PLCL1: variants seen among roughly 807,000 people sequenced by gnomAD.
PLCL1 encodes the protein inactive phospholipase C-like protein 1.
In PLCL1, 41 loss-of-function variants were observed where a neutral mutation model predicts 84.4. The observed-to-expected ratio is 0.49, with a 90% CI of 0.38 to 0.63. The LOEUF (loss-of-function observed/expected upper bound fraction) is 0.63, where lower values mean the gene tolerates loss of function less well. PLCL1 is among the 30% of genes least tolerant of loss of function. PLCL1 has a pLI of 0.00. For synonymous variants in PLCL1, 490 were observed against 488.3 expected, an observed-to-expected ratio of 1.00 and a Z score of -0.05; for missense variants, 1,206 against 1,367.8, an observed-to-expected ratio of 0.88 and a Z score of 1.87.
intron 3 of PLCL1, among the ~76,000 whole-genome samples, chr2:198,091,081 A>G (rs993148029): frequency 1.4e-4 from 22 of 152,358 alleles, no homozygotes; most frequent in Admixed American, 2.6e-4. Flanking sequence ...TCTTTCATGT[A>G]CAGTTCTCTA....
intron 5 of PLCL1, among the ~76,000 whole-genome samples, chr2:198,115,875 T>G (rs1484988596): frequency 6.6e-6 from 1 of 150,952 alleles, no homozygotes. Flanking sequence ...AAGGTGAGAT[T>G]TGAGCGAGGA....
chr2:197,923,208 T>C (rs2105757623), intron 1 of PLCL1, among the ~76,000 whole-genome samples: 1 of 139,958 alleles, frequency 7.1e-6, no homozygotes. Flanking sequence ...GGCGGGGGGC[T>C]GACCCCCCAC....
intron 1 of PLCL1, among the ~76,000 whole-genome samples, chr2:197,958,680 G>T (rs1423664777): frequency 6.6e-6 from 1 of 152,064 alleles, no homozygotes; most frequent in Non-Finnish European, 1.5e-5. Context: ...CATAGCAGGA[G>T]AGTTTAGTAA....
At chr2:198,079,128 T>A (rs2164068) in intron 1 of PLCL1, among the ~76,000 whole-genome samples, 78,864 of 151,366 alleles carry the variant, frequency 0.52, 21,519 homozygotes, top group African/African-American at 0.66. Flanking sequence ...ATTTTTTTTT[T>A]AATTTTGATT....
At chr2:197,812,561 T>A (rs1199525027) in intron 1 of PLCL1, among the ~76,000 whole-genome samples, 1 of 152,238 alleles carries the variant, frequency 6.6e-6, no homozygotes, top group Non-Finnish European at 1.5e-5. Flanking sequence ...ATGAGCATTT[T>A]AAAATATATT....
chr2:197,923,848 T>C (rs1688775061), intron 1 of PLCL1, among the ~76,000 whole-genome samples: 1 of 151,140 alleles, frequency 6.6e-6, no homozygotes, highest in Non-Finnish European at 1.5e-5. Flanking sequence ...ATCACGCCAT[T>C]GCACTCCAGC....
intron 1 of PLCL1, among the ~76,000 whole-genome samples, chr2:197,931,072 A>C (rs984851760): frequency 6.6e-6 from 1 of 152,110 alleles, no homozygotes; most frequent in African/African-American, 2.4e-5. Flanking sequence ...AAGTCACATT[A>C]TATGCTCACC....
chr2:198,125,996 G>T (rs1252813546), intron 5 of PLCL1, among the ~76,000 whole-genome samples: 2 of 152,122 alleles, frequency 1.3e-5, no homozygotes, highest in East Asian at 3.9e-4. Context: ...ATTTTCTTTA[G>T]TGGAATATAG....
intron 1 of PLCL1, among the ~76,000 whole-genome samples, chr2:198,047,194 T>TG (rs988808824): frequency 2.0e-5 from 3 of 149,614 alleles, no homozygotes; most frequent in African/African-American, 7.4e-5. Context: ...TGTGTGTGTG[T>TG]TTTGTTTTGA....
intron 1 of PLCL1, among the ~76,000 whole-genome samples, chr2:198,047,455 T>C (rs1691834728): frequency 6.6e-6 from 1 of 152,160 alleles, no homozygotes; most frequent in Admixed American, 6.5e-5. Context: ...GTGCTAGGAA[T>C]ATAGGCATGA....
intron 1 of PLCL1, among the ~76,000 whole-genome samples, chr2:198,016,669 G>A (rs1226647801): frequency 2.6e-5 from 4 of 152,128 alleles, no homozygotes; most frequent in Admixed American, 6.5e-5. Context: ...CAGGTAAGGC[G>A]TCTTCTACCA....
At chr2:198,127,460 G>C (rs1247610332) in intron 5 of PLCL1, among the ~76,000 whole-genome samples, 3 of 152,112 alleles carry the variant, frequency 2.0e-5, no homozygotes, top group African/African-American at 7.2e-5. Flanking sequence ...ATTGGACATA[G>C]TTTTACGTTA....
intron 1 of PLCL1, among the ~76,000 whole-genome samples, chr2:197,840,301 A>C (rs1686970357): frequency 6.6e-6 from 1 of 152,026 alleles, no homozygotes; most frequent in South Asian, 2.1e-4. Flanking sequence ...TCAGGAAGGC[A>C]CTTCATCATT....
At chr2:197,942,338 C>T (rs1689175443) in intron 1 of PLCL1, among the ~76,000 whole-genome samples, 1 of 152,096 alleles carries the variant, frequency 6.6e-6, no homozygotes, top group African/African-American at 2.4e-5. Context: ...CGTAGATCTC[C>T]CCATCTAGAA....
intron 1 of PLCL1, among the ~76,000 whole-genome samples, chr2:197,974,413 A>G (rs1352217308): frequency 3.3e-5 from 5 of 152,218 alleles, no homozygotes; most frequent in Middle Eastern, 3.2e-3. Flanking sequence ...AGTCAGGAAA[A>G]AAAAGAAGCC....
chr2:197,896,861 A>ATGGT (rs1274725760), intron 1 of PLCL1, among the ~76,000 whole-genome samples: 1 of 149,380 alleles, frequency 6.7e-6, no homozygotes, highest in Non-Finnish European at 1.5e-5. Context: ...ATCTCTAAGA[A>ATGGT]TGGTTCCATG....
intron 1 of PLCL1, among the ~76,000 whole-genome samples, chr2:197,931,139 T>G (rs11692344): frequency 0.52 from 78,276 of 151,830 alleles, 21,069 homozygotes; most frequent in African/African-American, 0.66. Flanking sequence ...CCACCTTGAT[T>G]GGGAAAAGAA....
chr2:198,114,795 A>ATGTGTGTGTGTGTG (rs397715153), intron 5 of PLCL1, among the ~76,000 whole-genome samples: 28 of 150,616 alleles, frequency 1.9e-4, no homozygotes, highest in African/African-American at 6.8e-4. Flanking sequence ...ACTTCTCTGA[A>ATGTGTGTGTGTGTG]TGTGTGTGTG....
intron 1 of PLCL1, among the ~76,000 whole-genome samples, chr2:198,037,994 T>G (rs941979519): frequency 2.0e-5 from 3 of 151,962 alleles, no homozygotes; most frequent in Admixed American, 2.0e-4. Context: ...CAAGAAAGAG[T>G]TCAAGCAGAG....
Sources: allele counts gnomAD v4.1 joint callset (sites outside exome capture counted in the v4.1 genomes callset), GRCh38; gene constraint gnomAD v4.1.1; transcripts MANE v1.5; gene names NCBI Gene and HGNC (gene_info 2026-07-23, HGNC 2026-07-21).